Variants in SPMIP2 observed in about 807,000 individuals in gnomAD.
SPMIP2 encodes sperm microtubule inner protein 2.
At chr4:159,001,935 A>G in the SPMIP2 span, among the ~76,000 whole-genome samples, 1 of 152,160 alleles carries the variant, frequency 6.6e-6, no homozygotes, top group East Asian at 1.9e-4. Context: ...GCTTTCCACA[A>G]TGGTTGAACT....
At chr4:158,933,512 T>TGG in the SPMIP2 span, among the ~76,000 whole-genome samples, 3 of 152,194 alleles carry the variant, frequency 2.0e-5, no homozygotes, top group Non-Finnish European at 4.4e-5. Context: ...AGTTGTGCCT[T>TGG]GGGTTGCCAT....
At chr4:159,052,938 C>CTATTAT in the SPMIP2 span, among the ~76,000 whole-genome samples, 167 of 127,074 alleles carry the variant, frequency 1.3e-3, 2 homozygotes, top group Non-Finnish European at 1.6e-3. Context: ...GCCTGGTCGA[C>CTATTAT]TATTATTATT....
chr4:158,911,650 C>T, the SPMIP2 span, among the ~76,000 whole-genome samples: 1 of 152,206 alleles, frequency 6.6e-6, no homozygotes, highest in Non-Finnish European at 1.5e-5. Context: ...CTCAGACCAG[C>T]AACAACTAAC....
chr4:159,052,075 C>T, the SPMIP2 span, among the ~76,000 whole-genome samples: 1 of 152,014 alleles, frequency 6.6e-6, no homozygotes, highest in Non-Finnish European at 1.5e-5. Context: ...GCAAGATTCC[C>T]CCCAGAAAGT....
the SPMIP2 span, among the ~76,000 whole-genome samples, chr4:158,942,121 T>C: frequency 6.6e-6 from 1 of 152,264 alleles, no homozygotes; most frequent in African/African-American, 2.4e-5. Flanking sequence ...CACAGCATAC[T>C]GCATAAACCC....
At chr4:158,992,649 G>A in the SPMIP2 span, among the ~76,000 whole-genome samples, 1 of 152,214 alleles carries the variant, frequency 6.6e-6, no homozygotes, top group Admixed American at 6.5e-5. Flanking sequence ...TGAAGGCTGG[G>A]AGTCCAAGAT....
At chr4:159,003,858 A>T in the SPMIP2 span, among the ~76,000 whole-genome samples, 2 of 152,160 alleles carry the variant, frequency 1.3e-5, no homozygotes, top group African/African-American at 4.8e-5. Flanking sequence ...CCAGGACTTA[A>T]AAGGCAAAAA....
chr4:158,924,762 A>T, the SPMIP2 span, among the ~76,000 whole-genome samples: 1 of 152,094 alleles, frequency 6.6e-6, no homozygotes, highest in Non-Finnish European at 1.5e-5. Flanking sequence ...CTCTCACCTC[A>T]GCTTCCCAAG....
the SPMIP2 span, among the ~76,000 whole-genome samples, chr4:158,931,931 A>G: frequency 6.6e-6 from 1 of 152,036 alleles, no homozygotes; most frequent in Admixed American, 6.6e-5. Context: ...CATTATTCTC[A>G]TACTTTAACT....
the SPMIP2 span, among the ~76,000 whole-genome samples, chr4:158,987,501 A>G: frequency 2.0e-5 from 3 of 152,156 alleles, no homozygotes; most frequent in Non-Finnish European, 2.9e-5. Flanking sequence ...ATGAAATTGG[A>G]AATCATCATT....
At chr4:158,937,692 C>T in the SPMIP2 span, 2 of 154,012 alleles carry the variant, frequency 1.3e-5, no homozygotes, top group African/African-American at 4.8e-5. Flanking sequence ...TGAGCACACA[C>T]TGACTATGTG....
chr4:158,913,681 A>G, the SPMIP2 span, among the ~76,000 whole-genome samples: 14 of 152,198 alleles, frequency 9.2e-5, no homozygotes, highest in African/African-American at 3.1e-4. Flanking sequence ...TCTAGCCTGT[A>G]GACCATTTAT....
chr4:158,971,494 T>TA, the SPMIP2 span, among the ~76,000 whole-genome samples: 13 of 152,296 alleles, frequency 8.5e-5, no homozygotes, highest in African/African-American at 3.1e-4. Flanking sequence ...CCCTGGCATT[T>TA]AAACATATTA....
At chr4:158,971,331 A>G in the SPMIP2 span, among the ~76,000 whole-genome samples, 1 of 152,098 alleles carries the variant, frequency 6.6e-6, no homozygotes, top group East Asian at 1.9e-4. Flanking sequence ...TTGATATTTG[A>G]TCAAATCTTG....
chr4:159,043,599 G>A, the SPMIP2 span, among the ~76,000 whole-genome samples: 22 of 152,118 alleles, frequency 1.4e-4, no homozygotes, highest in African/African-American at 5.1e-4. Context: ...CGCCCGCCTC[G>A]GCCTCCCAAA....
At chr4:159,013,813 G>GCTTGAGGACATAATACTATGAAT in the SPMIP2 span, among the ~76,000 whole-genome samples, 1 of 152,218 alleles carries the variant, frequency 6.6e-6, no homozygotes, top group Non-Finnish European at 1.5e-5. Context: ...TATAAATGAA[G>GCTTGAGGACATAATACTATGAAT]CTTGAGGACA....
chr4:158,992,717 G>A, the SPMIP2 span, among the ~76,000 whole-genome samples: 26 of 152,186 alleles, frequency 1.7e-4, no homozygotes, highest in Non-Finnish European at 2.6e-4. Flanking sequence ...ATGGTGCCTT[G>A]TTGCTGCATC....
chr4:159,059,997 C>T, the SPMIP2 span, among the ~76,000 whole-genome samples: 4 of 152,202 alleles, frequency 2.6e-5, no homozygotes, highest in Non-Finnish European at 5.9e-5. Flanking sequence ...AGAAGTCCCA[C>T]CAGGCACTCA....
chr4:158,922,503 A>T, the SPMIP2 span, among the ~76,000 whole-genome samples: 1 of 152,238 alleles, frequency 6.6e-6, no homozygotes, highest in Non-Finnish European at 1.5e-5. Context: ...GATACTGTAT[A>T]TATCTGCTGA....
Sources: gnomAD v4.1 joint callset for allele counts (sites outside exome capture counted in the v4.1 genomes callset) on GRCh38, gnomAD v4.1.1 for gene constraint, MANE v1.5 for transcripts, NCBI Gene and HGNC (gene_info 2026-07-23, HGNC 2026-07-21) for gene names.